The following ADCY2 variants were observed in gnomAD, a reference collection of about 807,000 sequenced individuals.
ADCY2 encodes adenylate cyclase type 2.
ADCY2 carries 31 observed loss-of-function variants against 125.2 expected under a neutral mutation model. That is an observed-to-expected ratio of 0.25 (90% CI 0.19 to 0.33). The LOEUF is 0.33. Among genes scored for constraint, ADCY2 ranks in the 10% least tolerant of loss-of-function variants. The pLI is 1.00. For missense variants in ADCY2, 904 were observed against 1,418.2 expected (o/e 0.64, Z 5.82); for synonymous variants, 512 against 548.4 (o/e 0.93, Z 0.93).
At chr5:7,558,944 A>G (rs867699684) in intron 3 of ADCY2, among the ~76,000 whole-genome samples, 1 of 143,708 alleles carries the variant, frequency 7.0e-6, no homozygotes, top group Non-Finnish European at 1.5e-5. Context: ...TCCTTTCCCC[A>G]TTGCTTGTTT....
chr5:7,404,906 G>A (rs1240385390), intron 1 of ADCY2, among the ~76,000 whole-genome samples: 1 of 152,142 alleles, frequency 6.6e-6, no homozygotes, highest in Non-Finnish European at 1.5e-5. Context: ...GGCACTGCTG[G>A]CCAGAACACC....
chr5:7,559,900 A>G lies in ADCY2; in HGVS notation c.570+39001A>G, dbSNP rs116292794. On this transcript the variant is annotated intron_variant, in intron 3 of 24. Coordinates refer to ENST00000338316, the MANE Select transcript of ADCY2 (RefSeq NM_020546.3). ...AGCAGAAATGGCACTTGCCTGTTAT[A>G]CCTGGAAAGAGTAGTGAGTTCTCCC... Among the ~76,000 whole-genome samples the G allele has an allele frequency of 3.3e-3, 503 of 152,334 alleles. 8 individuals are homozygous for G. The highest frequency in any genetic ancestry group is 0.012 in the African/African-American group (481 of 41,578).
At chr5:7,472,546 A>G (rs572815024) in intron 2 of ADCY2, among the ~76,000 whole-genome samples, 3 of 152,260 alleles carry the variant, frequency 2.0e-5, no homozygotes, top group East Asian at 3.9e-4. Flanking sequence ...TATATGGTTT[A>G]TCTTTTATCA....
At chr5:7,556,796 C>T (rs2126581628) in intron 3 of ADCY2, among the ~76,000 whole-genome samples, 1 of 152,214 alleles carries the variant, frequency 6.6e-6, no homozygotes, top group South Asian at 2.1e-4. Context: ...TGCAAGGGAT[C>T]TAGGTTGTGT....
chr5:7,749,702 A>G (rs1204037436), intron 15 of ADCY2: 1 of 152,238 alleles, frequency 6.6e-6, no homozygotes, highest in Non-Finnish European at 1.5e-5. Flanking sequence ...TGAAAATGCC[A>G]GAAAATATCA....
At chr5:7,617,756 G>A (rs903236558) in intron 3 of ADCY2, among the ~76,000 whole-genome samples, 8 of 152,186 alleles carry the variant, frequency 5.3e-5, no homozygotes, top group African/African-American at 1.9e-4. Context: ...CACCAGGAGA[G>A]GAAGGAAGGT....
At chr5:7,404,394 C>T (rs900442300) in intron 1 of ADCY2, among the ~76,000 whole-genome samples, 3 of 152,082 alleles carry the variant, frequency 2.0e-5, no homozygotes, top group East Asian at 1.9e-4. Flanking sequence ...ATGGAAACAA[C>T]TCCAAAGTCT....
At chr5:7,402,906 A>G (rs1318804768) in intron 1 of ADCY2, among the ~76,000 whole-genome samples, 1 of 152,198 alleles carries the variant, frequency 6.6e-6, no homozygotes, top group Non-Finnish European at 1.5e-5. Flanking sequence ...CACCCCATAG[A>G]AAGTTCCTGG....
chr5:7,559,831 G>GA (rs1735651899), intron 3 of ADCY2, among the ~76,000 whole-genome samples: 1 of 152,134 alleles, frequency 6.6e-6, no homozygotes, highest in African/African-American at 2.4e-5. Flanking sequence ...GGGTGAAAAT[G>GA]AAAAAGCCTA....
At chr5:7,739,123 G>A (rs1742338294) in intron 14 of ADCY2, among the ~76,000 whole-genome samples, 1 of 151,666 alleles carries the variant, frequency 6.6e-6, no homozygotes, top group African/African-American at 2.4e-5. Flanking sequence ...AAGTGCACAT[G>A]GAACATTAAC....
chr5:7,740,455 A>G (rs562708461), intron 14 of ADCY2, among the ~76,000 whole-genome samples: 2 of 152,174 alleles, frequency 1.3e-5, no homozygotes, highest in African/African-American at 4.8e-5. Context: ...TAGGGATTTG[A>G]CTAACTCATA....
intron 4 of ADCY2, among the ~76,000 whole-genome samples, chr5:7,657,173 A>G (rs1739367624): frequency 6.6e-6 from 1 of 152,190 alleles, no homozygotes. Context: ...AATCCGAAAC[A>G]CTTCTGGTCC....
chr5:7,534,785 C>G (rs1025618732), intron 3 of ADCY2, among the ~76,000 whole-genome samples: 1 of 152,142 alleles, frequency 6.6e-6, no homozygotes, highest in Non-Finnish European at 1.5e-5. Flanking sequence ...TGTCAGTGTC[C>G]CTGGACTTAA....
intron 4 of ADCY2, among the ~76,000 whole-genome samples, chr5:7,633,213 C>T (rs905773958): frequency 5.9e-5 from 9 of 151,832 alleles, no homozygotes; most frequent in African/African-American, 2.2e-4. Context: ...GGCGGATCAC[C>T]TGAGGTCAGG....
chr5:7,491,908 G>A (rs1038741633), intron 2 of ADCY2, among the ~76,000 whole-genome samples: 1 of 152,132 alleles, frequency 6.6e-6, no homozygotes, highest in African/African-American at 2.4e-5. Context: ...TCCACATTGT[G>A]GTCATTTATT....
chr5:7,666,735 GCC>G (rs1739771254), intron 4 of ADCY2, among the ~76,000 whole-genome samples: 1 of 152,220 alleles, frequency 6.6e-6, no homozygotes, highest in Non-Finnish European at 1.5e-5. Context: ...TGCTGGCGGT[GCC>G]TACGGCTCTG....
At chr5:7,820,222 G>T (rs746263692) in intron 23 of ADCY2, among the ~76,000 whole-genome samples, 1 of 152,178 alleles carries the variant, frequency 6.6e-6, no homozygotes, top group African/African-American at 2.4e-5. Context: ...GCCTGGCGCG[G>T]TGGCTCACTC....
At chr5:7,586,732 G>C (rs572496860) in intron 3 of ADCY2, among the ~76,000 whole-genome samples, 1 of 152,024 alleles carries the variant, frequency 6.6e-6, no homozygotes, top group Non-Finnish European at 1.5e-5. Context: ...GCTGGGTGGC[G>C]GTGTAAGTGT....
intron 3 of ADCY2, among the ~76,000 whole-genome samples, chr5:7,603,006 G>T (rs187398026): frequency 8.5e-4 from 130 of 152,240 alleles, no homozygotes; most frequent in Non-Finnish European, 2.9e-4. Flanking sequence ...GGAGCCCATT[G>T]GCTTTGCTGT....
Sources: gnomAD v4.1 joint callset for allele counts (sites outside exome capture counted in the v4.1 genomes callset) on GRCh38, gnomAD v4.1.1 for gene constraint, MANE v1.5 for transcripts, NCBI Gene and HGNC (gene_info 2026-07-23, HGNC 2026-07-21) for gene names.